CALCR: variants seen among roughly 807,000 people sequenced by gnomAD.
CALCR encodes the protein calcitonin receptor.
CALCR carries 47 observed loss-of-function variants against 59.5 expected under a neutral mutation model. The ratio of observed to expected loss-of-function variants is 0.79; its 90% CI spans 0.63 to 1.01. CALCR has a LOEUF of 1.01. Among genes scored for constraint, CALCR ranks in the 50% least tolerant of loss-of-function variants. CALCR has a pLI of 0.00. For synonymous variants in CALCR, 213 were observed against 211.3 expected (o/e 1.01, Z -0.07); for missense variants, 566 against 597.1 (o/e 0.95, Z 0.54).
In CALCR at chr7:93,468,816, C is replaced by T. The variant is rs376565713; in HGVS notation, c.430-10G>A. On this transcript the variant is annotated splice_polypyrimidine_tract_variant and intron_variant, in intron 6 of 13. Coordinates refer to ENST00000426151, the MANE Select transcript of CALCR (RefSeq NM_001742.4). ...ACAGAACATATGCATTCTGGAACAACAAAAAGTAAACAAACAAACAATGAA... is the reference window on the plus strand; with the variant it reads ...ACAGAACATATGCATTCTGGAACAATAAAAAGTAAACAAACAAACAATGAA... 6.4e-6 allele frequency: 7 copies of T among 1,088,566 alleles called. No individual in the cohort carries two copies. In the African/African-American group the frequency reaches 9.7e-5, roughly 15 times the overall value. 67.4% of individuals were successfully genotyped at this position (1,088,566 alleles called of 1,614,324 possible).
chr7:93,496,882 T>G (rs1287766457), intron 2 of CALCR, among the ~76,000 whole-genome samples: 1 of 151,740 alleles, frequency 6.6e-6, no homozygotes, highest in Middle Eastern at 3.4e-3. Flanking sequence ...GATAGGCTGG[T>G]TTGCTGCCAC....
chr7:93,463,377 AAGG>A (rs1446202887), intron 7 of CALCR, among the ~76,000 whole-genome samples: 1 of 151,932 alleles, frequency 6.6e-6, no homozygotes, highest in Admixed American at 6.6e-5. Flanking sequence ...CTAGCCTCCA[AAGG>A]AGAAGTATGA....
At chr7:93,541,305 C>G (rs2116181650) in intron 2 of CALCR, among the ~76,000 whole-genome samples, 1 of 152,210 alleles carries the variant, frequency 6.6e-6, no homozygotes, top group South Asian at 2.1e-4. Flanking sequence ...TCCCGAGTAG[C>G]TGGGATTACA....
At chr7:93,486,350 AAT>A (rs1009274117) in intron 3 of CALCR, among the ~76,000 whole-genome samples, 1 of 151,668 alleles carries the variant, frequency 6.6e-6, no homozygotes, top group Non-Finnish European at 1.5e-5. Flanking sequence ...GGAATAAAAC[AAT>A]ATAGAATTAC....
intron 2 of CALCR, among the ~76,000 whole-genome samples, chr7:93,523,230 C>T (rs1006675591): frequency 6.6e-6 from 1 of 152,122 alleles, no homozygotes; most frequent in African/African-American, 2.4e-5. Context: ...CAAACAGTTG[C>T]CTACTTCATT....
At chr7:93,469,223 CAG>C (rs894246417) in intron 6 of CALCR, among the ~76,000 whole-genome samples, 15 of 151,740 alleles carry the variant, frequency 9.9e-5, no homozygotes, top group African/African-American at 3.4e-4. Flanking sequence ...ACAGAGGGTC[CAG>C]AGAGTATGGT....
rs144752464 is a variant in CALCR at position 93,566,376 on chromosome 7, C to A, written c.-27+7913G>T. On this transcript the variant is annotated intron_variant, in intron 2 of 13. Transcript: ENST00000426151. Reference sequence around the variant, plus strand: ...TGGAATTTGGTTATAGGTATAGTCACAGTTCCGGTGGCCTGATTGAGTTGG... The same window carrying A: ...TGGAATTTGGTTATAGGTATAGTCAAAGTTCCGGTGGCCTGATTGAGTTGG... 1.6e-3 allele frequency among the ~76,000 whole-genome samples: 246 copies of A among 152,218 alleles called. 1 individual carries two copies. Among genetic ancestry groups the A allele is most frequent in the African/African-American group, 5.7e-3 (236 of 41,544 alleles).
Position 93,434,165 on chromosome 7 carries a change from G to GA in CALCR, c.1191+87dup, listed in dbSNP as rs1799721888. 3.3e-6 allele frequency: 3 copies of GA among 900,450 alleles called. No homozygotes were observed. In the Admixed American group the frequency reaches 5.2e-5, roughly 16 times the overall value. 55.8% of individuals were successfully genotyped at this position (900,450 alleles called of 1,614,324 possible). A position where few individuals can be genotyped will look rare whatever the true frequency, so the allele number is the denominator to read the frequency against. ...CCTATGAGGTCAACTGTAGAAGTGA[G>GA]ATGAAATGAAATTTGTACAGAGGCC... On this transcript the variant is annotated intron_variant, in intron 13 of 13. Coordinates refer to ENST00000426151, the MANE Select transcript of CALCR (RefSeq NM_001742.4).
At chr7:93,461,099 A>T in intron 7 of CALCR, 152 bp from the exon 8 acceptor site, 1 of 625,284 alleles carries the variant, frequency 1.6e-6, no homozygotes, top group Non-Finnish European at 2.6e-6. Context: ...TTTCAGATTT[A>T]TTCCTACTTT....
chr7:93,562,885 A>C (rs1263350563), intron 2 of CALCR, among the ~76,000 whole-genome samples: 1 of 152,202 alleles, frequency 6.6e-6, no homozygotes, highest in African/African-American at 2.4e-5. Flanking sequence ...GGAGCAATGA[A>C]AGGGAAAAAG....
At chr7:93,518,376 T>C (rs1046274813) in intron 2 of CALCR, among the ~76,000 whole-genome samples, 1 of 151,798 alleles carries the variant, frequency 6.6e-6, no homozygotes, top group Non-Finnish European at 1.5e-5. Flanking sequence ...AAATGACCTA[T>C]TCAAATATGA....
At chr7:93,455,735 A>G (rs997823178) in intron 8 of CALCR, among the ~76,000 whole-genome samples, 19 of 152,044 alleles carry the variant, frequency 1.2e-4, no homozygotes, top group South Asian at 2.1e-4. Flanking sequence ...TACAATGGGG[A>G]AAACTGCTTT....
At chr7:93,436,929 T>G (rs894888234) in intron 11 of CALCR, among the ~76,000 whole-genome samples, 5 of 152,210 alleles carry the variant, frequency 3.3e-5, no homozygotes, top group Non-Finnish European at 2.9e-5. Context: ...AGTGCTGCTG[T>G]CATAAATCAA....
At chr7:93,525,480 A>G (rs991468473) in intron 2 of CALCR, among the ~76,000 whole-genome samples, 2 of 152,176 alleles carry the variant, frequency 1.3e-5, no homozygotes, top group Non-Finnish European at 1.5e-5. Flanking sequence ...GTTAAGGAAG[A>G]GAGCAAAATA....
chr7:93,541,801 G>T (rs561076548), intron 2 of CALCR, among the ~76,000 whole-genome samples: 40 of 152,304 alleles, frequency 2.6e-4, no homozygotes, highest in African/African-American at 9.6e-4. Context: ...TTGGTCTGTG[G>T]CTATCCACGG....
At chr7:93,568,214 T>C (rs909562589) in intron 2 of CALCR, among the ~76,000 whole-genome samples, 3 of 152,070 alleles carry the variant, frequency 2.0e-5, no homozygotes, top group South Asian at 2.1e-4. Context: ...TTAAACGCTG[T>C]CCAGGAAAGG....
chr7:93,504,935 C>G (rs531677178), intron 2 of CALCR, among the ~76,000 whole-genome samples: 1 of 152,238 alleles, frequency 6.6e-6, no homozygotes, highest in East Asian at 1.9e-4. Context: ...ATCTCACCTC[C>G]TCTCTGAAGA....
intron 9 of CALCR, among the ~76,000 whole-genome samples, chr7:93,443,329 G>GTCCATCATTAGCTAGGTTTGTT (rs1799948019): frequency 6.6e-6 from 1 of 152,106 alleles, no homozygotes; most frequent in Admixed American, 6.6e-5. Flanking sequence ...CACATTTTGT[G>GTCCATCATTAGCTAGGTTTGTT]TCCATCATTA....
chr7:93,519,247 G>T (rs1173099212), intron 2 of CALCR, among the ~76,000 whole-genome samples: 4 of 151,784 alleles, frequency 2.6e-5, no homozygotes, highest in Non-Finnish European at 5.9e-5. Context: ...TCCTTATATT[G>T]CTGTAATTAT....
Sources: allele counts gnomAD v4.1 joint callset (sites outside exome capture counted in the v4.1 genomes callset), GRCh38; gene constraint gnomAD v4.1.1; transcripts MANE v1.5; gene names NCBI Gene and HGNC (gene_info 2026-07-23, HGNC 2026-07-21).